PLA2R1: variants seen among roughly 807,000 people sequenced by gnomAD.
PLA2R1 encodes the protein phospholipase A2 receptor 1.
A neutral mutation model predicts 195.9 loss-of-function variants in PLA2R1; 158 were observed. That is an observed-to-expected ratio of 0.81 (90% CI 0.71 to 0.92). The LOEUF is 0.92. PLA2R1 is among the 40% of genes least tolerant of loss of function. The pLI, the probability that PLA2R1 is intolerant of heterozygous loss-of-function variation, is 0.00. For missense variants in PLA2R1, 1,626 were observed against 1,764.6 expected, an observed-to-expected ratio of 0.92 and a Z score of 1.41; for synonymous variants, 586 against 598.2, an observed-to-expected ratio of 0.98 and a Z score of 0.30.
At chr2:160,028,823 C>G (rs771700920) in intron 5 of PLA2R1, 27 bp downstream of exon 5, 1 of 1,354,832 alleles carries the variant, frequency 7.4e-7, no homozygotes, top group African/African-American at 1.4e-5. Flanking sequence ...TGCCACGTGA[C>G]GAAGGCAAAG....
chr2:159,974,690 A>G (rs1689418291), intron 17 of PLA2R1, among the ~76,000 whole-genome samples: 1 of 152,152 alleles, frequency 6.6e-6, no homozygotes, highest in South Asian at 2.1e-4. Flanking sequence ...GTGACAAAAT[A>G]GTGTACAAAT....
rs755152800 is a variant in PLA2R1, at chr2:160,005,814, G to A, written c.1672C>T (p.Gln558Ter). 1.2e-6 allele frequency: 2 copies of A among 1,609,038 alleles called. No homozygotes were observed. The highest frequency in any genetic ancestry group is 1.7e-5 in the Admixed American group (1 of 59,830). ...CTGATCAAACTGGTAATAAAAGCCTGTTCAAACCTTAAAAGGGGAAAAAAG... is the reference window on the plus strand; with the variant it reads ...CTGATCAAACTGGTAATAAAAGCCTATTCAAACCTTAAAAGGGGAAAAAAG... Reference protein sequence around the residue: ...ALVTITNRFEQAFITSLISSV... With the variant: ...ALVTITNRFE Residue 558 changes from glutamine to a stop codon, truncating the protein, a stop_gained, in exon 11 of 30, where the codon CAG becomes TAG. Transcript: ENST00000283243. LOFTEE classifies it high-confidence loss of function.
At chr2:160,005,560 T>A in intron 11 of PLA2R1, 92 bp downstream of exon 11, 1 of 1,024,936 alleles carries the variant, frequency 9.8e-7, no homozygotes, top group Non-Finnish European at 1.4e-6. Flanking sequence ...AAGAAAACAT[T>A]AAGAAAGAAT....
At position 160,062,318 on chromosome 2, in the gene PLA2R1, G is replaced by T. The variant is rs567452605; in HGVS notation, c.86C>A (p.Pro29His). The T allele has an allele frequency of 3.3e-6, 5 of 1,523,170 alleles. No homozygotes were observed. The African/African-American group carries it at 5.7e-5, about 17-fold the overall frequency. The allele number at this position is 1,523,170 out of a possible 1,614,324, so 94.4% of individuals were successfully genotyped here. A position where few individuals can be genotyped will look rare whatever the true frequency, so the allele number is the denominator to read the frequency against. The change falls in exon 1 of 30, where the codon CCC becomes CAC. Residue 29 changes from proline (P) to histidine (H), a missense_variant. Physicochemically the swap from Pro to His is moderately conservative, Grantham distance 77 (BLOSUM62 -2). Coordinates refer to ENST00000283243, the MANE Select transcript of PLA2R1 (RefSeq NM_007366.5). ...CAEGVAAALT[P>H]ERLLEWQDKG... Reference sequence around the variant, plus strand: ...ACCCTGCCACTCCAGGAGCCGCTCGGGGGTAAGCGCCGCCGCCACACCCTC... The same window carrying T: ...ACCCTGCCACTCCAGGAGCCGCTCGTGGGTAAGCGCCGCCGCCACACCCTC...
At chr2:159,966,433 A>G (rs1383561776) in intron 20 of PLA2R1, among the ~76,000 whole-genome samples, 1 of 152,224 alleles carries the variant, frequency 6.6e-6, no homozygotes, top group Admixed American at 6.5e-5. Context: ...TCAGTTTTGC[A>G]AGATGGAAAA....
intron 27 of PLA2R1, 135 bp from the exon 28 acceptor site, chr2:159,945,217 CTTTAAG>C: frequency 3.1e-6 from 1 of 322,914 alleles, no homozygotes; most frequent in Non-Finnish European, 5.0e-6. Flanking sequence ...TATTATTATA[CTTTAAG>C]TTTTAGGGTA....
chr2:160,043,428 C>T (rs558093710), intron 2 of PLA2R1, among the ~76,000 whole-genome samples: 1 of 152,114 alleles, frequency 6.6e-6, no homozygotes, highest in Admixed American at 6.5e-5. Context: ...TCAACAAAAA[C>T]TTTTCATGAC....
chr2:160,016,631 C>T lies in PLA2R1; in HGVS notation c.1534G>A (p.Glu512Lys), dbSNP rs1206758323. The T allele has an allele frequency of 6.3e-7, 1 of 1,596,032 alleles. No individual in the cohort carries two copies. Among genetic ancestry groups the T allele is most frequent in the Non-Finnish European group, 8.6e-7 (1 of 1,163,602 alleles). ...GCACTTACCTCTTGACATCCTGATT[C>T]AGCATCAGAGAGGACATGGCCTGCT... Reference protein sequence around the residue: ...KKAGHVLSDAESGCQEGWERH... With the variant: ...KKAGHVLSDAKSGCQEGWERH... The change falls in exon 9 of 30, where the codon GAA (glutamate) becomes AAA (lysine). Residue 512 changes from glutamate (E) to lysine (K), a missense_variant. Physicochemically the swap from Glu to Lys is moderately conservative, Grantham distance 56. Transcript: ENST00000283243.
At chr2:159,955,443 C>T (rs1274537388) in intron 22 of PLA2R1, 97 bp from the exon 23 acceptor site, 2 of 746,448 alleles carry the variant, frequency 2.7e-6, no homozygotes, top group Non-Finnish European at 4.2e-6. Flanking sequence ...ATTAAGACAC[C>T]ATTATTCCTT....
intron 11 of PLA2R1, among the ~76,000 whole-genome samples, chr2:159,988,848 G>A (rs1395415416): frequency 6.6e-6 from 1 of 152,184 alleles, no homozygotes; most frequent in East Asian, 1.9e-4. Context: ...AGAGTGCAAA[G>A]GAGAAGAAAG....
Position 160,005,800 on chromosome 2 carries a change from G to A in PLA2R1, c.1686C>T (p.Thr562=), listed in dbSNP as rs1691943241. 6.2e-7 allele frequency: 1 copy of A among 1,611,810 alleles called. No individual in the cohort carries two copies. The highest frequency in any genetic ancestry group is 1.3e-5 in the African/African-American group (1 of 74,814). ...ITNRFEQAFI[T]SLISSVVKMK... is the part of the protein sequence containing the mutation. ...TTTTTACCACACTACTGATCAAACT[G>A]GTAATAAAAGCCTGTTCAAACCTTA... The change falls in exon 11 of 30, where the codon ACC becomes ACT. Residue 562 remains threonine (T), a synonymous_variant. Coordinates refer to ENST00000283243, the MANE Select transcript of PLA2R1 (RefSeq NM_007366.5).
chr2:160,045,637 T>C (rs764472846), intron 1 of PLA2R1, among the ~76,000 whole-genome samples: 9 of 152,188 alleles, frequency 5.9e-5, no homozygotes, highest in Admixed American at 1.3e-4. Context: ...CAAGTTCCTA[T>C]AGAAAACCGA....
chr2:159,946,909 G>T lies in PLA2R1; in HGVS notation c.3859C>A (p.Leu1287Ile), dbSNP rs1228236953. Reference protein sequence around the residue: ...HEFCKKEGSNLLTIKDEAENA... With the variant: ...HEFCKKEGSNILTIKDEAENA... ...TCAGCCTCATCCTTGATTGTTAAAA[G>T]ATTAGAACCTATAAGAGAGACAAGT... is the stretch of plus-strand genomic sequence containing the variant. The change falls in exon 27 of 30, where the codon CTT (leucine) becomes ATT (isoleucine). Residue 1287 changes from leucine (L) to isoleucine (I), a missense_variant. By Grantham distance (5) the Leu-to-Ile change is conservative. Coordinates refer to ENST00000283243, the MANE Select transcript of PLA2R1 (RefSeq NM_007366.5). 12 of 1,596,566 alleles carry T rather than the reference G, an allele frequency of 7.5e-6. No homozygotes were observed. The East Asian group carries it at 2.0e-4, about 27-fold the overall frequency.
chr2:160,062,396 A>G lies in PLA2R1; in HGVS notation c.8T>C (p.Leu3Pro), dbSNP rs1217638192. Residue 3 changes from leucine (L) to proline (P), a missense_variant, in exon 1 of 30, where the codon CTG becomes CCG. Transcript: ENST00000283243. ML[L>P]SPSLLLLLLL... Reference sequence around the variant, plus strand: ...CAGCAGCAGCAGCAGCGACGGCGACAGCAGCATCGCTAACCACTGGGCTCT... The same window carrying G: ...CAGCAGCAGCAGCAGCGACGGCGACGGCAGCATCGCTAACCACTGGGCTCT... 2 of 1,541,020 alleles carry G rather than the reference A, an allele frequency of 1.3e-6. No homozygotes were observed. The highest frequency in any genetic ancestry group is 2.5e-5 in the East Asian group (1 of 39,558).
intron 12 of PLA2R1, 106 bp downstream of exon 12, chr2:159,987,050 T>C: frequency 1.3e-6 from 1 of 773,408 alleles, no homozygotes; most frequent in Non-Finnish European, 2.2e-6. Context: ...TGTCAGGCAC[T>C]GTTCTGGAAA....
intron 1 of PLA2R1, among the ~76,000 whole-genome samples, chr2:160,048,101 G>A (rs1694993736): frequency 6.6e-6 from 1 of 152,142 alleles, no homozygotes; most frequent in African/African-American, 2.4e-5. Context: ...CCAAAGTGCT[G>A]GGACTACAGG....
At chr2:159,994,536 G>T (rs1314143400) in intron 11 of PLA2R1, among the ~76,000 whole-genome samples, 2 of 152,048 alleles carry the variant, frequency 1.3e-5, no homozygotes, top group Admixed American at 1.3e-4. Flanking sequence ...ACTTTAAGGG[G>T]TGATAATTGT....
chr2:159,975,813 A>G (rs1689510529), intron 17 of PLA2R1, among the ~76,000 whole-genome samples: 3 of 152,090 alleles, frequency 2.0e-5, no homozygotes, highest in African/African-American at 7.2e-5. Flanking sequence ...CGTGCTCACC[A>G]TTGTTGCTAA....
At chr2:159,958,311 G>A (rs1688232886) in intron 20 of PLA2R1, among the ~76,000 whole-genome samples, 1 of 152,018 alleles carries the variant, frequency 6.6e-6, no homozygotes, top group Non-Finnish European at 1.5e-5. Context: ...GTTATCTTCT[G>A]CCATGATTGT....
Sources: allele counts gnomAD v4.1 joint callset (sites outside exome capture counted in the v4.1 genomes callset), GRCh38; gene constraint gnomAD v4.1.1; transcripts MANE v1.5; gene names NCBI Gene and HGNC (gene_info 2026-07-23, HGNC 2026-07-21).